VWCE: variants seen among roughly 807,000 people sequenced by gnomAD.
The protein encoded by VWCE is von Willebrand factor C and EGF domains.
Under a neutral mutation model 102.9 loss-of-function variants are expected in VWCE, and 68 were observed. The observed-to-expected ratio is 0.66, with a 90% CI of 0.54 to 0.81. The LOEUF (loss-of-function observed/expected upper bound fraction) is 0.81, where lower values mean the gene tolerates loss of function less well. Ranked by LOEUF, VWCE falls within the 30% of genes least tolerant of loss-of-function variation. The pLI, the probability that VWCE is intolerant of heterozygous loss-of-function variation, is 0.00. For missense variants in VWCE, 1,137 were observed against 1,263.6 expected, an observed-to-expected ratio of 0.90 and a Z score of 1.52; for synonymous variants, 497 against 515.4, an observed-to-expected ratio of 0.96 and a Z score of 0.48.
intron 4 of VWCE, among the ~76,000 whole-genome samples, chr11:61,286,802 A>C (rs545912796): frequency 6.6e-6 from 1 of 151,326 alleles, no homozygotes; most frequent in Non-Finnish European, 1.5e-5. Context: ...ACTCCATCTC[A>C]GGAAAAAAAA....
Position 61,264,454 on chromosome 11 carries a change from C to T in VWCE, c.2230+33G>A, listed in dbSNP as rs58399551. ...AGAAAAGTAAAATGGAAGAAGATGGCGGAGAAACTCCAGGACCCAGAGACC... is the reference window on the plus strand; with the variant it reads ...AGAAAAGTAAAATGGAAGAAGATGGTGGAGAAACTCCAGGACCCAGAGACC... On this transcript the variant is annotated intron_variant, in intron 19 of 19. Coordinates refer to ENST00000335613, the MANE Select transcript of VWCE (RefSeq NM_152718.2). The T allele has an allele frequency of 4.5e-4, 718 of 1,592,214 alleles. 5 individuals carry two copies. In the African/African-American group the frequency reaches 7.5e-3, roughly 17 times the overall value.
chr11:61,259,032 C>T lies in VWCE; in HGVS notation c.2511G>A (p.Glu837=). Residue 837 remains glutamate, a synonymous_variant, in exon 20 of 20, where the codon GAG becomes GAA. Transcript: ENST00000335613. ...ALGLTATFPG[E]PGASPRLSPG... ...GTGAGAGTCGAGGGGAGGCCCCAGG[C>T]TCCCCTGGGAAAGTGGCTGTCAGCC... 1 of 1,613,866 alleles carries T rather than the reference C, an allele frequency of 6.2e-7. No homozygotes were observed. Among genetic ancestry groups the T allele is most frequent in the South Asian group, 1.1e-5 (1 of 91,068 alleles).
chr11:61,259,241 G>T lies in VWCE; in HGVS notation c.2302C>A (p.Arg768=), dbSNP rs142603933. ...GCCTCAGTGTCTCCATGCAGGCTCC[G>T]ACCAGCTTTGCTGAATGCCACATTT... ...HGNVAFSKAG[R]SLHGDTEAPV... is the part of the protein sequence containing the mutation. Residue 768 remains arginine, a synonymous_variant, in exon 20 of 20, where the codon CGG becomes AGG. Coordinates refer to ENST00000335613, the MANE Select transcript of VWCE (RefSeq NM_152718.2). 1 of 1,612,886 alleles carries T rather than the reference G, an allele frequency of 6.2e-7. No individual in the cohort carries two copies. The highest frequency in any genetic ancestry group is 2.2e-5 in the East Asian group (1 of 44,860).
Position 61,258,928 on chromosome 11 carries a change from G to A in VWCE, c.2615C>T (p.Pro872Leu), listed in dbSNP as rs1406788527. The change falls in exon 20 of 20, where the codon CCA (proline) becomes CTA (leucine). Residue 872 changes from proline to leucine, a missense_variant. Transcript: ENST00000335613. ...CCCAGAGGCTGAGAACGAGCGCTCTGGAGTCACAGGAGGTGGCTGAGGAGC... is the reference window on the plus strand; with the variant it reads ...CCCAGAGGCTGAGAACGAGCGCTCTAGAGTCACAGGAGGTGGCTGAGGAGC... The part of the protein sequence containing the change: ...PGAPQPPPVT[P>L]ERSFSASGAQ... The A allele has an allele frequency of 6.4e-7, 1 of 1,550,450 alleles. No homozygotes were observed. The highest frequency in any genetic ancestry group is 1.8e-4 in the Middle Eastern group (1 of 5,704).
In VWCE at chr11:61,278,459, C is replaced by T. The variant is rs200816051; in HGVS notation, c.1342G>A (p.Val448Ile). The change falls in exon 10 of 20, where the codon GTC (valine) becomes ATC (isoleucine). Residue 448 changes from valine to isoleucine, a missense_variant. Transcript: ENST00000335613. ...AACACATCCCCTTCAGCTCGGACGA[C>T]ACCACTGTGAAAACAGCCTTTGAAG... ...PSCTGCFHSG[V>I]VRAEGDVFSP... 25 of 1,614,158 alleles carry T rather than the reference C, an allele frequency of 1.5e-5. No homozygotes were observed. In the East Asian group the frequency reaches 5.3e-4, roughly 35 times the overall value.
intron 4 of VWCE, among the ~76,000 whole-genome samples, chr11:61,288,155 C>CAAAAA (rs397978316): frequency 3.0e-4 from 11 of 37,228 alleles, no homozygotes; most frequent in Admixed American, 5.2e-4. Flanking sequence ...GACTCTGTCT[C>CAAAAA]AAAAAAAAAA....
chr11:61,292,391 T>C (rs550039908), intron 1 of VWCE, among the ~76,000 whole-genome samples: 1 of 152,322 alleles, frequency 6.6e-6, no homozygotes, highest in Admixed American at 6.5e-5. Context: ...TGACATTAGA[T>C]TTTAATTTAT....
chr11:61,263,290 G>A (rs538188056), intron 19 of VWCE, among the ~76,000 whole-genome samples: 1 of 146,316 alleles, frequency 6.8e-6, no homozygotes, highest in African/African-American at 2.6e-5. Context: ...CTGGGTGACA[G>A]AGTGAGAATC....
rs926686750 is a variant in VWCE, at chr11:61,294,626, G to T, written c.110+302C>A. 6.6e-6 allele frequency among the ~76,000 whole-genome samples: 1 copy of T among 152,076 alleles called. No individual in the cohort carries two copies. The highest frequency in any genetic ancestry group is 6.5e-5 in the Admixed American group (1 of 15,280). ...TCCGGAGACCAGATGGCACGTCCTGGGCTCCCCTCTCCAGAGGTCCGCGCT... is the reference window on the plus strand; with the variant it reads ...TCCGGAGACCAGATGGCACGTCCTGTGCTCCCCTCTCCAGAGGTCCGCGCT... On this transcript the variant is annotated intron_variant, in intron 1 of 19. Coordinates refer to ENST00000335613, the MANE Select transcript of VWCE (RefSeq NM_152718.2). The surrounding 1 kb of genome is among the most constrained non-coding windows in gnomAD (Gnocchi z 6.3).
intron 11 of VWCE, among the ~76,000 whole-genome samples, chr11:61,276,065 C>G (rs1474151592): frequency 6.6e-6 from 1 of 152,184 alleles, no homozygotes; most frequent in Non-Finnish European, 1.5e-5. Flanking sequence ...CTCCACTCAC[C>G]CCACTCCATC....
At chr11:61,262,657 C>T (rs578032674) in intron 19 of VWCE, among the ~76,000 whole-genome samples, 7 of 152,256 alleles carry the variant, frequency 4.6e-5, no homozygotes, top group African/African-American at 1.7e-4. Context: ...GCGCCACCCG[C>T]CCTAAAAGCT....
chr11:61,288,838 CG>C (rs769905744), intron 4 of VWCE, among the ~76,000 whole-genome samples: 2 of 143,622 alleles, frequency 1.4e-5, no homozygotes, highest in African/African-American at 5.3e-5. Context: ...CTTTATGGCG[CG>C]TTTTTTTTTT....
At chr11:61,289,537 A>C (rs1855433761) in intron 4 of VWCE, among the ~76,000 whole-genome samples, 1 of 152,222 alleles carries the variant, frequency 6.6e-6, no homozygotes, top group Non-Finnish European at 1.5e-5. Context: ...GGCGTGAGCC[A>C]CCAAGCCTAG....
At chr11:61,263,748 C>T (rs1372351829) in intron 19 of VWCE, among the ~76,000 whole-genome samples, 1 of 152,174 alleles carries the variant, frequency 6.6e-6, no homozygotes, top group Non-Finnish European at 1.5e-5. Flanking sequence ...CCTGTTTTCT[C>T]ACCTGGCACA....
At chr11:61,292,434 A>T (rs1203947363) in intron 1 of VWCE, among the ~76,000 whole-genome samples, 2 of 152,158 alleles carry the variant, frequency 1.3e-5, no homozygotes, top group East Asian at 3.8e-4. Context: ...CTCCCTGATG[A>T]CAAGGGTTTC....
Position 61,278,277 on chromosome 11 carries a change from G to A in VWCE, c.1407+117C>T, listed in dbSNP as rs189562046. On this transcript the variant is annotated intron_variant, in intron 10 of 19. Coordinates refer to ENST00000335613, the MANE Select transcript of VWCE (RefSeq NM_152718.2). Reference sequence around the variant, plus strand: ...CTTCTAACCAAATTCCACAACCTGAGAATGTTCCCTTCCACTCAACAAGCT... The same window carrying A: ...CTTCTAACCAAATTCCACAACCTGAAAATGTTCCCTTCCACTCAACAAGCT... The A allele has an allele frequency of 7.9e-4, 882 of 1,121,204 alleles. 11 individuals are homozygous for A. The East Asian group carries it at 0.013, about 16-fold the overall frequency. 69.5% of individuals were successfully genotyped at this position (1,121,204 alleles called of 1,614,324 possible). A position where few individuals can be genotyped will look rare whatever the true frequency, so the allele number is the denominator to read the frequency against.
In VWCE at chr11:61,268,934, C is replaced by T. The variant is rs761815512; in HGVS notation, c.1870G>A (p.Asp624Asn). The T allele has an allele frequency of 1.2e-6, 2 of 1,614,120 alleles. No homozygotes were observed. Among genetic ancestry groups the T allele is most frequent in the South Asian group, 2.2e-5 (2 of 91,084 alleles). The change falls in exon 15 of 20, where the codon GAC becomes AAC. Residue 624 changes from aspartate to asparagine, a missense_variant. Transcript: ENST00000335613. Reference protein sequence around the residue: ...PIRIPGQCCPDCSAGCTYTGR... With the variant: ...PIRIPGQCCPNCSAGCTYTGR... ...GGCAGGGGATTACCTGCTGAACAGT[C>T]TGGGCAGCACTGTCCAGGGATCCGG...
At position 61,294,868 on chromosome 11, in the gene VWCE, G is replaced by T; in HGVS notation, c.110+60C>A. 1.6e-6 allele frequency: 2 copies of T among 1,214,790 alleles called. No homozygotes were observed. Among genetic ancestry groups the T allele is most frequent in the South Asian group, 4.6e-5 (2 of 43,622 alleles). 75.3% of individuals were successfully genotyped at this position (1,214,790 alleles called of 1,614,324 possible). On this transcript the variant is annotated intron_variant, in intron 1 of 19. Coordinates refer to ENST00000335613, the MANE Select transcript of VWCE (RefSeq NM_152718.2). This position sits in a 1 kb window ranked among gnomAD's most constrained non-coding sequence, Gnocchi z 6.3. ...TCCTGAGCGCCCCTCCGCGCCTCTC[G>T]ACTGCACGCCGGTAGCGCTCTCCCG...
In VWCE at chr11:61,267,418, G is replaced by C. The variant is rs187172416; in HGVS notation, c.1965+44C>G. 155 of 1,582,948 alleles carry C rather than the reference G, an allele frequency of 9.8e-5. No homozygotes were observed. In the East Asian group the frequency reaches 2.3e-3, roughly 24 times the overall value. On this transcript the variant is annotated intron_variant, in intron 16 of 19. Coordinates refer to ENST00000335613, the MANE Select transcript of VWCE (RefSeq NM_152718.2). ...GGATTCAGGAGCCGATGTCAGTTGT[G>C]GGGGAGTTTCCAGGGGCGGGAGTCA...
Sources: allele counts gnomAD v4.1 joint callset (sites outside exome capture counted in the v4.1 genomes callset), GRCh38; gene constraint gnomAD v4.1.1; non-coding constraint Gnocchi (gnomAD v3.1); transcripts MANE v1.5; gene names NCBI Gene and HGNC (gene_info 2026-07-23, HGNC 2026-07-21).